Variants in PRKCE observed in about 807,000 individuals in gnomAD.
The protein encoded by PRKCE is protein kinase C epsilon, also known as protein kinase C epsilon type.
In PRKCE, 16 loss-of-function variants were observed where a neutral mutation model predicts 85.4. The ratio of observed to expected loss-of-function variants is 0.19; its 90% CI spans 0.13 to 0.28. PRKCE has a LOEUF of 0.28. Ranked by LOEUF, PRKCE falls within the 10% of genes least tolerant of loss-of-function variation. PRKCE has a pLI of 1.00. For missense variants in PRKCE, 573 were observed against 975.2 expected (o/e 0.59, Z 5.49); for synonymous variants, 388 against 371.5 (o/e 1.04, Z -0.51).
chr2:45,933,464 CTTTTTTTTTTTTTTTTT>C (rs59991455), intron 2 of PRKCE, among the ~76,000 whole-genome samples: 1 of 65,346 alleles, frequency 1.5e-5, no homozygotes. Flanking sequence ...CATATGCCTG[CTTTTTTTTTTTTTTTTT>C]TTTTTTTTTT....
intron 2 of PRKCE, among the ~76,000 whole-genome samples, chr2:45,943,275 C>T (rs1700012116): frequency 1.3e-5 from 2 of 152,204 alleles, no homozygotes; most frequent in Admixed American, 6.5e-5. Context: ...AAAATGATTT[C>T]GCAGTCATCA....
intron 1 of PRKCE, among the ~76,000 whole-genome samples, chr2:45,716,194 G>A (rs972599272): frequency 6.6e-6 from 1 of 152,214 alleles, no homozygotes; most frequent in Non-Finnish European, 1.5e-5. Flanking sequence ...GTGCCATGGT[G>A]TATTACTTCG....
At chr2:45,824,675 G>A (rs1689803367) in intron 1 of PRKCE, among the ~76,000 whole-genome samples, 2 of 151,622 alleles carry the variant, frequency 1.3e-5, no homozygotes, top group Admixed American at 1.3e-4. Context: ...CAAAAATAGA[G>A]CAGAATAATG....
At chr2:45,696,483 T>G (rs1412333861) in intron 1 of PRKCE, among the ~76,000 whole-genome samples, 2 of 152,086 alleles carry the variant, frequency 1.3e-5, no homozygotes, top group African/African-American at 2.4e-5. Flanking sequence ...GAGTTTCCCT[T>G]GAGGAGTTTT....
At chr2:46,101,878 A>G (rs1671270105) in intron 11 of PRKCE, among the ~76,000 whole-genome samples, 1 of 143,504 alleles carries the variant, frequency 7.0e-6, no homozygotes. Flanking sequence ...AAAAAAAAAA[A>G]AAAAACCCAA....
At chr2:45,948,373 C>T (rs1209276099) in intron 2 of PRKCE, among the ~76,000 whole-genome samples, 1 of 152,208 alleles carries the variant, frequency 6.6e-6, no homozygotes, top group East Asian at 1.9e-4. Flanking sequence ...CGTGCAGTGG[C>T]TCATGCCTGT....
At chr2:45,785,691 AC>A (rs940760763) in intron 1 of PRKCE, among the ~76,000 whole-genome samples, 2 of 151,944 alleles carry the variant, frequency 1.3e-5, no homozygotes, top group African/African-American at 4.8e-5. Context: ...CCTATGTAGC[AC>A]CTGGTTTTGT....
intron 10 of PRKCE, among the ~76,000 whole-genome samples, chr2:46,069,923 A>G (rs1333688959): frequency 1.3e-5 from 2 of 152,184 alleles, no homozygotes; most frequent in Non-Finnish European, 2.9e-5. Flanking sequence ...TTGAAATCCT[A>G]ACCTGAATTT....
intron 14 of PRKCE, among the ~76,000 whole-genome samples, chr2:46,171,729 G>A (rs1678919100): frequency 6.6e-6 from 1 of 152,158 alleles, no homozygotes; most frequent in African/African-American, 2.4e-5. Context: ...AGGCATCAAA[G>A]CACTGGCAAA....
intron 6 of PRKCE, among the ~76,000 whole-genome samples, chr2:45,990,757 G>C (rs1474599567): frequency 6.6e-6 from 1 of 151,486 alleles, no homozygotes; most frequent in African/African-American, 2.4e-5. Flanking sequence ...CACCTCCCAG[G>C]TTCAAGCAAT....
intron 2 of PRKCE, among the ~76,000 whole-genome samples, chr2:45,891,150 A>G (rs1695691998): frequency 6.6e-6 from 1 of 152,196 alleles, no homozygotes; most frequent in African/African-American, 2.4e-5. Context: ...AGCTGGCCTA[A>G]TGGGATATAG....
chr2:45,788,578 T>C (rs571282832), intron 1 of PRKCE, among the ~76,000 whole-genome samples: 1 of 152,350 alleles, frequency 6.6e-6, no homozygotes, highest in East Asian at 1.9e-4. Flanking sequence ...CCATTGCCTC[T>C]AATTTACTTG....
At position 46,004,213 on chromosome 2, in the gene PRKCE, G is replaced by A. The variant is rs559915576; in HGVS notation, c.967-329G>A. 5 of 339,396 alleles carry A rather than the reference G, an allele frequency of 1.5e-5. No individual in the cohort carries two copies. Among genetic ancestry groups the A allele is most frequent in the East Asian group, 7.3e-5 (1 of 13,684 alleles). 21.0% of individuals were successfully genotyped at this position (339,396 alleles called of 1,614,324 possible). A position where few individuals can be genotyped will look rare whatever the true frequency, so the allele number is the denominator to read the frequency against. On this transcript the variant is annotated intron_variant, in intron 7 of 14. Transcript: ENST00000306156. This position sits in a 1 kb window ranked among gnomAD's most constrained non-coding sequence, Gnocchi z 4.1. Reference sequence around the variant, plus strand: ...CCTTTATGGTGTCCTCGCACAACCCGAACTACTTCATCCTTTTGGATGGGG... The same window carrying A: ...CCTTTATGGTGTCCTCGCACAACCCAAACTACTTCATCCTTTTGGATGGGG...
At chr2:45,772,277 A>AT (rs1234825992) in intron 1 of PRKCE, among the ~76,000 whole-genome samples, 1 of 151,490 alleles carries the variant, frequency 6.6e-6, no homozygotes, top group Non-Finnish European at 1.5e-5. Flanking sequence ...CCATCTCAAA[A>AT]TAAAAAAAAA....
At position 46,041,676 on chromosome 2, in the gene PRKCE, T is replaced by A. The variant is rs575518682; in HGVS notation, c.1437+31159T>A. 2.0e-5 allele frequency among the ~76,000 whole-genome samples: 3 copies of A among 152,358 alleles called. No individual in the cohort carries two copies. Among genetic ancestry groups the A allele is most frequent in the Admixed American group, 6.5e-5 (1 of 15,300 alleles). On this transcript the variant is annotated intron_variant, in intron 10 of 14. Coordinates refer to ENST00000306156, the MANE Select transcript of PRKCE (RefSeq NM_005400.3). This position sits in a 1 kb window ranked among gnomAD's most constrained non-coding sequence, Gnocchi z 5.5. ...TTCCCTTAACTTGGAATGAACAACATAGTACTGAAGTGTTTCCTTGTGAAT... is the reference window on the plus strand; with the variant it reads ...TTCCCTTAACTTGGAATGAACAACAAAGTACTGAAGTGTTTCCTTGTGAAT...
At chr2:45,661,659 G>A (rs1029375623) in intron 1 of PRKCE, among the ~76,000 whole-genome samples, 14 of 149,204 alleles carry the variant, frequency 9.4e-5, no homozygotes, top group African/African-American at 3.4e-4. Flanking sequence ...CTCCCGAGTA[G>A]CTGGGACTAC....
chr2:45,987,605 C>T (rs1438956892), intron 6 of PRKCE, among the ~76,000 whole-genome samples: 9 of 151,912 alleles, frequency 5.9e-5, no homozygotes. Context: ...CTCCCCCCAC[C>T]AGCATCCCCA....
intron 10 of PRKCE, among the ~76,000 whole-genome samples, chr2:46,032,588 T>C (rs1296269474): frequency 6.6e-6 from 1 of 152,204 alleles, no homozygotes; most frequent in East Asian, 1.9e-4. Flanking sequence ...CTCCAAAAGT[T>C]CCAGGATGAC....
At chr2:45,892,823 A>C (rs528396851) in intron 2 of PRKCE, among the ~76,000 whole-genome samples, 1 of 152,354 alleles carries the variant, frequency 6.6e-6, no homozygotes, top group South Asian at 2.1e-4. Flanking sequence ...AGCCTGCACC[A>C]GTATAGAACT....
Sources: gnomAD v4.1 joint callset for allele counts (sites outside exome capture counted in the v4.1 genomes callset) on GRCh38, gnomAD v4.1.1 for gene constraint, Gnocchi (gnomAD v3.1) non-coding constraint, MANE v1.5 for transcripts, NCBI Gene and HGNC (gene_info 2026-07-23, HGNC 2026-07-21) for gene names.